Variants in FBXL7 observed in about 807,000 individuals in gnomAD.
The protein encoded by FBXL7 is F-box/LRR-repeat protein 7.
In FBXL7, 12 loss-of-function variants were observed where a neutral mutation model predicts 38.3. That is an observed-to-expected ratio of 0.31 (90% CI 0.20 to 0.51). The LOEUF is 0.51. Ranked by LOEUF, FBXL7 falls within the 20% of genes least tolerant of loss-of-function variation. The probability of loss-of-function intolerance (pLI) is 0.98; values close to 1 mark genes in which losing one functional copy is unlikely to be tolerated. For synonymous variants in FBXL7, 297 were observed against 300.9 expected (o/e 0.99, Z 0.13); for missense variants, 567 against 676.4 (o/e 0.84, Z 1.79).
At chr5:15,925,547 G>A (rs921582946) in intron 2 of FBXL7, among the ~76,000 whole-genome samples, 10 of 152,330 alleles carry the variant, frequency 6.6e-5, no homozygotes, top group South Asian at 2.1e-4. Flanking sequence ...AGAAATTTTT[G>A]TATTGCATGT....
chr5:15,620,397 T>C (rs2126525897), intron 2 of FBXL7, among the ~76,000 whole-genome samples: 1 of 142,050 alleles, frequency 7.0e-6, no homozygotes, highest in Non-Finnish European at 1.5e-5. Flanking sequence ...CACGCCCAGC[T>C]AATTTTTTGT....
intron 2 of FBXL7, among the ~76,000 whole-genome samples, chr5:15,658,233 AC>A (rs1741942186): frequency 6.6e-6 from 1 of 152,068 alleles, no homozygotes; most frequent in Non-Finnish European, 1.5e-5. Context: ...TCTCCTTGAA[AC>A]TTTTGCCATC....
rs199590835 is a variant in FBXL7, at chr5:15,721,823, T to TTTTATTTA, written c.127+105771_127+105778dup. Among the ~76,000 whole-genome samples, 410 of 151,420 alleles carry TTTTATTTA rather than the reference T, an allele frequency of 2.7e-3. 3 individuals carry two copies. Among genetic ancestry groups the TTTTATTTA allele is most frequent in the African/African-American group, 9.1e-3 (375 of 41,406 alleles). ...TATTTCTCAGCCCAGATAAGAATCC[T>TTTTATTTA]TTTATTTATTTATTTATTTATTTAT... On this transcript the variant is annotated intron_variant, in intron 2 of 3. Coordinates refer to ENST00000504595, the MANE Select transcript of FBXL7 (RefSeq NM_012304.5).
At chr5:15,678,700 T>G (rs1324651127) in intron 2 of FBXL7, among the ~76,000 whole-genome samples, 1 of 152,176 alleles carries the variant, frequency 6.6e-6, no homozygotes, top group South Asian at 2.1e-4. Flanking sequence ...TGAATAAGTC[T>G]CATGAGATCT....
chr5:15,935,483 G>T (rs1350206964), intron 3 of FBXL7, among the ~76,000 whole-genome samples: 4 of 121,076 alleles, frequency 3.3e-5, no homozygotes, highest in African/African-American at 1.0e-4. Context: ...CTAAGGGCAG[G>T]GAAGGGAGTC....
chr5:15,860,976 G>A (rs1370600932), intron 2 of FBXL7, among the ~76,000 whole-genome samples: 1 of 152,170 alleles, frequency 6.6e-6, no homozygotes, highest in African/African-American at 2.4e-5. Flanking sequence ...TAGGCTGTCT[G>A]CACCACACTT....
At chr5:15,634,249 A>G (rs75767771) in intron 2 of FBXL7, among the ~76,000 whole-genome samples, 25 of 151,898 alleles carry the variant, frequency 1.6e-4, no homozygotes, top group Middle Eastern at 3.4e-3. Flanking sequence ...GATGGGAGGA[A>G]AAGTTCTGTC....
intron 2 of FBXL7, among the ~76,000 whole-genome samples, chr5:15,838,293 G>A (rs183354727): frequency 2.6e-5 from 4 of 152,284 alleles, no homozygotes; most frequent in South Asian, 2.1e-4. Flanking sequence ...AGATTGAAGC[G>A]TTGGCAGGTT....
At chr5:15,814,805 C>T (rs1458666901) in intron 2 of FBXL7, among the ~76,000 whole-genome samples, 1 of 152,094 alleles carries the variant, frequency 6.6e-6, no homozygotes, top group Non-Finnish European at 1.5e-5. Flanking sequence ...AACTGAAAAA[C>T]TTCTTACCCA....
chr5:15,741,869 A>T (rs1025627123), intron 2 of FBXL7, among the ~76,000 whole-genome samples: 55 of 152,232 alleles, frequency 3.6e-4, no homozygotes, highest in African/African-American at 1.3e-3. Flanking sequence ...ATCAGATCAC[A>T]TGAATGCACA....
At chr5:15,884,004 C>G (rs1013000528) in intron 2 of FBXL7, among the ~76,000 whole-genome samples, 1 of 152,130 alleles carries the variant, frequency 6.6e-6, no homozygotes, top group Non-Finnish European at 1.5e-5. Context: ...GTACAGAAGT[C>G]AACTTAGGCT....
In FBXL7 at chr5:15,688,840, G is replaced by T. The variant is rs570348778; in HGVS notation, c.127+72768G>T. Among the ~76,000 whole-genome samples the T allele has an allele frequency of 1.2e-4, 18 of 152,318 alleles. No homozygotes were observed. The South Asian group carries it at 3.3e-3, about 28-fold the overall frequency. On this transcript the variant is annotated intron_variant, in intron 2 of 3. Coordinates refer to ENST00000504595, the MANE Select transcript of FBXL7 (RefSeq NM_012304.5). ...TCCGTAACCCAGTATGTTTATGTAG[G>T]CAGTGCCTGAGAGTTTTGTTTAATG... is the stretch of plus-strand genomic sequence containing the variant.
intron 2 of FBXL7, among the ~76,000 whole-genome samples, chr5:15,796,145 T>C (rs1233732598): frequency 6.6e-6 from 1 of 152,320 alleles, no homozygotes; most frequent in South Asian, 2.1e-4. Flanking sequence ...AACAATGCCT[T>C]GTTAGCTAAG....
intron 1 of FBXL7, among the ~76,000 whole-genome samples, chr5:15,550,467 G>A (rs1738033139): frequency 6.6e-6 from 1 of 152,142 alleles, no homozygotes; most frequent in Non-Finnish European, 1.5e-5. Context: ...GCGCTGTTGG[G>A]AAGGTGCTAT....
chr5:15,606,048 AAAG>A (rs1322285495), intron 1 of FBXL7, among the ~76,000 whole-genome samples: 2 of 152,218 alleles, frequency 1.3e-5, no homozygotes, highest in Non-Finnish European at 2.9e-5. Context: ...AACATTACAA[AAAG>A]AAGAGGCTGA....
intron 1 of FBXL7, among the ~76,000 whole-genome samples, chr5:15,532,355 A>G (rs561671937): frequency 6.6e-6 from 1 of 152,304 alleles, no homozygotes; most frequent in South Asian, 2.1e-4. Context: ...ACCTGAACTA[A>G]TTGGTTGTTA....
At chr5:15,536,817 A>G (rs1361342682) in intron 1 of FBXL7, among the ~76,000 whole-genome samples, 1 of 151,864 alleles carries the variant, frequency 6.6e-6, no homozygotes, top group Non-Finnish European at 1.5e-5. Flanking sequence ...TATGAGAGGG[A>G]TACGAGATTT....
In FBXL7 at chr5:15,566,103, G is replaced by A. The variant is rs138495368; in HGVS notation, c.38-49880G>A. 7.9e-5 allele frequency among the ~76,000 whole-genome samples: 12 copies of A among 151,990 alleles called. No individual in the cohort carries two copies. The East Asian group carries it at 2.3e-3, about 29-fold the overall frequency. Reference sequence around the variant, plus strand: ...AATGACATTTACAGGAGTCTGTCTTGGAAAATTCACATCTCTTCTATGTCC... The same window carrying A: ...AATGACATTTACAGGAGTCTGTCTTAGAAAATTCACATCTCTTCTATGTCC... On this transcript the variant is annotated intron_variant, in intron 1 of 3. Coordinates refer to ENST00000504595, the MANE Select transcript of FBXL7 (RefSeq NM_012304.5).
intron 1 of FBXL7, among the ~76,000 whole-genome samples, chr5:15,596,745 T>C (rs1739636072): frequency 6.6e-6 from 1 of 152,120 alleles, no homozygotes. Context: ...CAATCATGCC[T>C]ATGTAATGAA....
Sources: allele counts gnomAD v4.1 joint callset (sites outside exome capture counted in the v4.1 genomes callset), GRCh38; gene constraint gnomAD v4.1.1; transcripts MANE v1.5; gene names NCBI Gene and HGNC (gene_info 2026-07-23, HGNC 2026-07-21).